Variants in DYNC1I1 observed in about 807,000 individuals in gnomAD.
The protein encoded by DYNC1I1 is dynein cytoplasmic 1 intermediate chain 1, also known as cytoplasmic dynein 1 intermediate chain 1.
Under a neutral mutation model 86.6 loss-of-function variants are expected in DYNC1I1, and 43 were observed. The observed-to-expected ratio is 0.50, with a 90% CI of 0.39 to 0.64. The LOEUF (loss-of-function observed/expected upper bound fraction) is 0.64. DYNC1I1 is among the 30% of genes least tolerant of loss of function. The pLI is 0.00. For synonymous variants in DYNC1I1, 262 were observed against 283.7 expected, an observed-to-expected ratio of 0.92 and a Z score of 0.77; for missense variants, 604 against 788.8, an observed-to-expected ratio of 0.77 and a Z score of 2.81.
At chr7:95,774,385 G>A (rs1195959528) in intron 1 of DYNC1I1, among the ~76,000 whole-genome samples, 1 of 152,154 alleles carries the variant, frequency 6.6e-6, no homozygotes, top group Non-Finnish European at 1.5e-5. Flanking sequence ...TCCCCTGGAG[G>A]AGGAGGGGCT....
chr7:96,105,209 G>A (rs1407057925), intron 16 of DYNC1I1, among the ~76,000 whole-genome samples: 2 of 151,712 alleles, frequency 1.3e-5, no homozygotes, highest in Admixed American at 6.6e-5. Context: ...ATTATTTATA[G>A]ATTTTTTTAG....
intron 6 of DYNC1I1, among the ~76,000 whole-genome samples, chr7:95,914,391 C>A (rs1253453253): frequency 6.6e-6 from 1 of 152,106 alleles, no homozygotes; most frequent in East Asian, 1.9e-4. Flanking sequence ...TGGAAGAGAG[C>A]AAATAATTTA....
intron 5 of DYNC1I1, among the ~76,000 whole-genome samples, chr7:95,852,871 T>G (rs1382082785): frequency 1.3e-5 from 2 of 152,198 alleles, no homozygotes; most frequent in Non-Finnish European, 2.9e-5. Flanking sequence ...CTCTAGTTCC[T>G]TAAGGTGAAA....
intron 5 of DYNC1I1, among the ~76,000 whole-genome samples, chr7:95,828,987 C>T (rs1795262969): frequency 6.6e-6 from 1 of 152,156 alleles, no homozygotes; most frequent in Non-Finnish European, 1.5e-5. Context: ...AAATTGCCTC[C>T]TTTCCTACAA....
At chr7:95,857,385 CATT>C (rs1789753286) in intron 5 of DYNC1I1, among the ~76,000 whole-genome samples, 1 of 152,148 alleles carries the variant, frequency 6.6e-6, no homozygotes, top group South Asian at 2.1e-4. Context: ...TGTGCAGAAA[CATT>C]ATTAATGATA....
chr7:95,888,976 C>T (rs961268121), intron 6 of DYNC1I1, among the ~76,000 whole-genome samples: 2 of 152,136 alleles, frequency 1.3e-5, no homozygotes, highest in African/African-American at 4.8e-5. Context: ...GGGGGAATCT[C>T]CTTTCAAGGA....
intron 6 of DYNC1I1, among the ~76,000 whole-genome samples, chr7:95,949,063 GA>G (rs1168971787): frequency 2.0e-5 from 3 of 152,138 alleles, no homozygotes; most frequent in Non-Finnish European, 4.4e-5. Context: ...CAGAGGAGGG[GA>G]TGTGGCCCAT....
At chr7:95,833,659 G>A (rs975235600) in intron 5 of DYNC1I1, among the ~76,000 whole-genome samples, 2,693 of 150,572 alleles carry the variant, frequency 0.018, 67 homozygotes, top group African/African-American at 0.062. Flanking sequence ...GCAGTGGTTT[G>A]TAGTTCTCCT....
intron 14 of DYNC1I1, among the ~76,000 whole-genome samples, chr7:96,050,464 T>G (rs575111671): frequency 1.3e-5 from 2 of 152,336 alleles, no homozygotes; most frequent in East Asian, 3.9e-4. Context: ...TCAATTCTCT[T>G]TGTGATTTGA....
rs749072783 is a variant in DYNC1I1 at position 95,981,007 on chromosome 7, G to C, written c.580+3406G>C. Among the ~76,000 whole-genome samples the C allele has an allele frequency of 2.0e-5, 3 of 151,758 alleles. No homozygotes were observed. The East Asian group carries it at 5.8e-4, about 29-fold the overall frequency. ...ATCTAATGTTTTTCCTGGCTACATG[G>C]GTTTTATTTTTTATCTCTTAGAGAT... On this transcript the variant is annotated intron_variant, in intron 7 of 16. Transcript: ENST00000447467.
In DYNC1I1 at chr7:95,910,317, G is replaced by C. The variant is rs150269693; in HGVS notation, c.490+40319G>C. Among the ~76,000 whole-genome samples the C allele has an allele frequency of 1.9e-3, 285 of 152,208 alleles. 2 individuals carry two copies. The highest frequency in any genetic ancestry group is 6.6e-3 in the African/African-American group (273 of 41,536). On this transcript the variant is annotated intron_variant, in intron 6 of 16. Coordinates refer to ENST00000447467, the MANE Select transcript of DYNC1I1 (RefSeq NM_001135556.2). ...CCTGAAATAATACAGCTTCCTAAAT[G>C]CTACCCCCATCTGTTCCTCCTCCCA... is the stretch of plus-strand genomic sequence containing the variant.
At chr7:95,847,477 C>T (rs543174372) in intron 5 of DYNC1I1, among the ~76,000 whole-genome samples, 2 of 152,230 alleles carry the variant, frequency 1.3e-5, no homozygotes, top group African/African-American at 4.8e-5. Context: ...AACATTGGCC[C>T]CTCATTTGTC....
chr7:95,842,144 T>G (rs186635335), intron 5 of DYNC1I1, among the ~76,000 whole-genome samples: 1 of 152,142 alleles, frequency 6.6e-6, no homozygotes, highest in East Asian at 1.9e-4. Context: ...ATGGTGAGAG[T>G]GAGAATATGT....
intron 6 of DYNC1I1, among the ~76,000 whole-genome samples, chr7:95,970,290 ACTGTGCC>A (rs1793131896): frequency 6.6e-6 from 1 of 152,090 alleles, no homozygotes; most frequent in African/African-American, 2.4e-5. Flanking sequence ...CTACCTTCTT[ACTGTGCC>A]CTGGCTTTAG....
chr7:95,952,045 T>A (rs576292974), intron 6 of DYNC1I1, among the ~76,000 whole-genome samples: 1 of 152,346 alleles, frequency 6.6e-6, no homozygotes, highest in South Asian at 2.1e-4. Flanking sequence ...GCCTGATTGA[T>A]TCTGAAGTGC....
At chr7:96,109,424 TC>T (rs1303147128) in intron 16 of DYNC1I1, among the ~76,000 whole-genome samples, 1 of 150,394 alleles carries the variant, frequency 6.6e-6, no homozygotes, top group Non-Finnish European at 1.5e-5. Flanking sequence ...ATCTTTTGCA[TC>T]TTTGGGGTTT....
chr7:96,030,222 A>C lies in DYNC1I1; in HGVS notation c.1116+1901A>C, dbSNP rs575117118. Among the ~76,000 whole-genome samples the C allele has an allele frequency of 5.9e-5, 9 of 152,214 alleles. No homozygotes were observed. In the East Asian group the frequency reaches 1.7e-3, roughly 29 times the overall value. Reference sequence around the variant, plus strand: ...CAACAGGAAATCATAAGTAAAACAAAATCCCTCAGGCACACAGTAAGTTTA... The same window carrying C: ...CAACAGGAAATCATAAGTAAAACAACATCCCTCAGGCACACAGTAAGTTTA... On this transcript the variant is annotated intron_variant, in intron 11 of 16. Transcript: ENST00000447467.
At chr7:95,791,726 T>C (rs1315227283) in intron 1 of DYNC1I1, among the ~76,000 whole-genome samples, 1 of 152,190 alleles carries the variant, frequency 6.6e-6, no homozygotes, top group African/African-American at 2.4e-5. Flanking sequence ...AAATCATCCT[T>C]TTAGAGTCGG....
chr7:95,934,952 TTGTGTGTG>T (rs145382652), intron 6 of DYNC1I1, among the ~76,000 whole-genome samples: 2 of 148,978 alleles, frequency 1.3e-5, no homozygotes, highest in African/African-American at 4.9e-5. Flanking sequence ...GTTTTTTGTT[TTGTGTGTG>T]TGTGTGTGTG....
Sources: gnomAD v4.1 joint callset for allele counts (sites outside exome capture counted in the v4.1 genomes callset) on GRCh38, gnomAD v4.1.1 for gene constraint, MANE v1.5 for transcripts, NCBI Gene and HGNC (gene_info 2026-07-23, HGNC 2026-07-21) for gene names.